DOCK9: variants seen among roughly 807,000 people sequenced by gnomAD.
DOCK9 encodes the protein dedicator of cytokinesis protein 9.
DOCK9 carries 89 observed loss-of-function variants against 263.3 expected under a neutral mutation model. The ratio of observed to expected loss-of-function variants is 0.34; its 90% CI spans 0.28 to 0.40. The LOEUF is 0.40. DOCK9 is among the 10% of genes least tolerant of loss of function. The probability of loss-of-function intolerance (pLI) is 1.00; values close to 1 mark genes in which losing one functional copy is unlikely to be tolerated. For synonymous variants in DOCK9, 976 were observed against 973.1 expected (o/e 1.00, Z -0.06); for missense variants, 2,140 against 2,603.4 (o/e 0.82, Z 3.87).
chr13:98,936,492 C>T (rs145573370), intron 2 of DOCK9, among the ~76,000 whole-genome samples: 408 of 151,902 alleles, frequency 2.7e-3, no homozygotes, highest in African/African-American at 9.2e-3. Flanking sequence ...TGGTGTCATG[C>T]GCCTCGAGTC....
intron 6 of DOCK9, among the ~76,000 whole-genome samples, chr13:98,921,564 G>A (rs2051992056): frequency 6.6e-6 from 1 of 152,098 alleles, no homozygotes; most frequent in African/African-American, 2.4e-5. Flanking sequence ...TAATCCTGAT[G>A]TTCCTCTGGT....
chr13:98,800,560 A>G, intron 49 of DOCK9, 82 bp from the exon 50 acceptor site: 8 of 1,452,870 alleles, frequency 5.5e-6, no homozygotes, highest in South Asian at 1.4e-5. Flanking sequence ...AGAAGTGATT[A>G]TTATACATGT....
intron 30 of DOCK9, 46 bp from the exon 31 acceptor site, chr13:98,863,594 T>C (rs764826685): frequency 5.2e-6 from 8 of 1,541,208 alleles, no homozygotes; most frequent in Non-Finnish European, 7.1e-6. Context: ...GATGCAATGC[T>C]CTTTGAATAA....
At chr13:98,880,735 G>A in intron 25 of DOCK9, 63 bp from the exon 26 acceptor site, 11 of 1,579,036 alleles carry the variant, frequency 7.0e-6, no homozygotes, top group Non-Finnish European at 9.5e-6. Context: ...GAAAGCTTGA[G>A]AGACTCCCAA....
At chr13:98,908,560 C>G (rs2049480576) in intron 9 of DOCK9, among the ~76,000 whole-genome samples, 1 of 152,060 alleles carries the variant, frequency 6.6e-6, no homozygotes, top group Non-Finnish European at 1.5e-5. Context: ...TAAGGGGGAA[C>G]CAGATCTTCC....
rs775830380 is a variant in DOCK9, at chr13:98,831,639, A to T, written c.4452+10T>A. 6.2e-7 allele frequency: 1 copy of T among 1,611,750 alleles called. No homozygotes were observed. The highest frequency in any genetic ancestry group is 2.2e-5 in the East Asian group (1 of 44,864). On this transcript the variant is annotated intron_variant, in intron 40 of 52. Transcript: ENST00000682017. ...GAAAACATCTAACCACTGCCCATGA[A>T]GCAACTTACCTTATAAATTAAGGAC...
exon 1 of DOCK9, chr13:99,086,477 C>A (rs2042346788): frequency 3.7e-6 from 2 of 547,422 alleles, no homozygotes; most frequent in South Asian, 1.5e-4. Context: ...GCCGCCTGCT[C>A]CCCCCGCTGC....
intron 2 of DOCK9, among the ~76,000 whole-genome samples, chr13:98,932,385 A>C (rs2054095903): frequency 6.8e-6 from 1 of 146,766 alleles, no homozygotes; most frequent in East Asian, 2.0e-4. Context: ...ACAGAGCAAG[A>C]CTCCATCTCA....
chr13:99,071,306 C>CTTTTTTTTTTTTT (rs71114578), intron 1 of DOCK9, among the ~76,000 whole-genome samples: 859 of 49,312 alleles, frequency 0.017, 98 homozygotes, highest in East Asian at 0.024. Flanking sequence ...CCATGCCTGG[C>CTTTTTTTTTTTTT]TTTTTTTTTT....
intron 15 of DOCK9, among the ~76,000 whole-genome samples, chr13:98,896,217 T>G (rs1275530157): frequency 6.6e-6 from 1 of 152,226 alleles, no homozygotes; most frequent in Non-Finnish European, 1.5e-5. Flanking sequence ...GAAAGAGACC[T>G]TGAGAATCCT....
chr13:99,035,848 A>G (rs1349364969), intron 1 of DOCK9, among the ~76,000 whole-genome samples: 3 of 152,218 alleles, frequency 2.0e-5, no homozygotes, highest in Non-Finnish European at 4.4e-5. Context: ...TTAACATTAA[A>G]TCAATAGACT....
chr13:98,877,409 C>T (rs1224832481), intron 27 of DOCK9, among the ~76,000 whole-genome samples: 1 of 152,152 alleles, frequency 6.6e-6, no homozygotes, highest in Non-Finnish European at 1.5e-5. Flanking sequence ...TTTGAATATC[C>T]TTGTATGTAT....
At chr13:99,042,853 A>G (rs1566345461) in intron 1 of DOCK9, among the ~76,000 whole-genome samples, 1 of 152,200 alleles carries the variant, frequency 6.6e-6, no homozygotes, top group African/African-American at 2.4e-5. Flanking sequence ...TATACATCCA[A>G]TTATTTTAAA....
chr13:98,919,132 T>C (rs1301453306), intron 7 of DOCK9, among the ~76,000 whole-genome samples: 4 of 147,662 alleles, frequency 2.7e-5, no homozygotes, highest in African/African-American at 7.6e-5. Context: ...TTTTTTGAGA[T>C]GGAGTCTCGC....
At position 98,795,463 on chromosome 13, in the gene DOCK9, G is replaced by A. The variant is rs149037260; in HGVS notation, c.6157-715C>T. 1.4e-4 allele frequency among the ~76,000 whole-genome samples: 21 copies of A among 152,308 alleles called. No homozygotes were observed. In the East Asian group the frequency reaches 3.5e-3, roughly 25 times the overall value. The stretch of plus-strand genomic sequence containing the variant: ...CCGCCACGGCCCTTCAGGGGTTCAC[G>A]GGGGCTCAGTCTTCACAGCTGTTGG... On this transcript the variant is annotated intron_variant, in intron 52 of 52. Coordinates refer to ENST00000682017, the MANE Select transcript of DOCK9 (RefSeq NM_001366683.2).
At chr13:99,058,437 T>C (rs374403451) in intron 1 of DOCK9, among the ~76,000 whole-genome samples, 3 of 152,146 alleles carry the variant, frequency 2.0e-5, no homozygotes, top group African/African-American at 7.2e-5. Context: ...GCTGGGATTA[T>C]GGGCATGAGC....
chr13:98,915,194 A>G (rs1424525702), intron 8 of DOCK9, 135 bp downstream of exon 8: 3 of 763,046 alleles, frequency 3.9e-6, no homozygotes, highest in East Asian at 2.8e-5. Flanking sequence ...TGCTGACAGG[A>G]TATTTGTAAA....
chr13:98,997,059 A>C (rs1881215495), intron 1 of DOCK9, among the ~76,000 whole-genome samples: 1 of 152,214 alleles, frequency 6.6e-6, no homozygotes, highest in Non-Finnish European at 1.5e-5. Context: ...TGTGCTGACT[A>C]TCCAGGGTTT....
intron 2 of DOCK9, among the ~76,000 whole-genome samples, chr13:98,939,123 G>A (rs2055388743): frequency 6.6e-6 from 1 of 152,232 alleles, no homozygotes; most frequent in Admixed American, 6.5e-5. Context: ...CCGAGGAAAG[G>A]GGAGACCACA....
Sources: allele counts gnomAD v4.1 joint callset (sites outside exome capture counted in the v4.1 genomes callset), GRCh38; gene constraint gnomAD v4.1.1; transcripts MANE v1.5; gene names NCBI Gene and HGNC (gene_info 2026-07-23, HGNC 2026-07-21).